The following DRC10 variants were observed in gnomAD, a reference collection of about 807,000 sequenced individuals.
DRC10 encodes the protein dynein regulatory complex subunit 10, also known as IQ domain-containing protein D.
chr12:113,200,651 T>A, the DRC10 span: 2 of 1,536,146 alleles, frequency 1.3e-6, no homozygotes, highest in Non-Finnish European at 1.7e-6. Context: ...AGCTGCAGGA[T>A]CTCCTGCTGG....
the DRC10 span, chr12:113,200,393 G>A: frequency 1.4e-6 from 1 of 701,154 alleles, no homozygotes; most frequent in Non-Finnish European, 2.6e-6. Flanking sequence ...TGCCTCCCAG[G>A]AGACACTGGC....
the DRC10 span, among the ~76,000 whole-genome samples, chr12:113,210,668 C>T: frequency 6.9e-6 from 1 of 144,530 alleles, no homozygotes; most frequent in African/African-American, 2.6e-5. Flanking sequence ...CCCCCCAACA[C>T]CATGTCTCAG....
At chr12:113,207,680 G>A in the DRC10 span, 1 of 1,614,068 alleles carries the variant, frequency 6.2e-7, no homozygotes, top group Non-Finnish European at 8.5e-7. Context: ...GCAGCCTGGG[G>A]GTTGCTGAGC....
chr12:113,209,947 G>A, the DRC10 span, among the ~76,000 whole-genome samples: 6 of 152,114 alleles, frequency 3.9e-5, no homozygotes, highest in Non-Finnish European at 8.8e-5. Context: ...CCAACATGGC[G>A]AAACCCCGTC....
the DRC10 span, chr12:113,208,281 G>C: frequency 6.8e-7 from 1 of 1,462,878 alleles, no homozygotes; most frequent in East Asian, 2.4e-5. Context: ...AGAAGTAGGT[G>C]TGAGTGCAGC....
the DRC10 span, chr12:113,208,197 T>A: frequency 3.8e-6 from 6 of 1,581,152 alleles, no homozygotes; most frequent in Non-Finnish European, 4.3e-6. Flanking sequence ...CCTCTGTAGG[T>A]CCACAGAGAT....
the DRC10 span, chr12:113,200,594 G>A: frequency 2.6e-6 from 4 of 1,535,398 alleles, no homozygotes; most frequent in Non-Finnish European, 3.5e-6. Context: ...CTCAGCGCCT[G>A]CTCTGCCTCC....
At chr12:113,209,383 G>A in the DRC10 span, among the ~76,000 whole-genome samples, 1 of 152,180 alleles carries the variant, frequency 6.6e-6, no homozygotes, top group African/African-American at 2.4e-5. Context: ...CTAGTCTAAA[G>A]TTTAGTTAAT....
At chr12:113,213,177 A>G in the DRC10 span, among the ~76,000 whole-genome samples, 1 of 36,360 alleles carries the variant, frequency 2.8e-5, no homozygotes, top group Admixed American at 2.2e-4. Flanking sequence ...AGAGGGTGCT[A>G]AAAAAAAAAA....
the DRC10 span, chr12:113,208,003 AT>A: frequency 5.6e-6 from 9 of 1,614,166 alleles, no homozygotes; most frequent in South Asian, 9.9e-5. Flanking sequence ...CTCATCCAGG[AT>A]GGACATGATC....
the DRC10 span, among the ~76,000 whole-genome samples, chr12:113,204,807 T>C: frequency 6.6e-6 from 1 of 152,048 alleles, no homozygotes; most frequent in African/African-American, 2.4e-5. Flanking sequence ...CACATGCCTG[T>C]AATCCCAGCT....
chr12:113,203,593 A>G, the DRC10 span, among the ~76,000 whole-genome samples: 1 of 151,328 alleles, frequency 6.6e-6, no homozygotes. Context: ...CTTGTGCCTC[A>G]GCCTCCCGAG....
chr12:113,212,941 A>G, the DRC10 span, among the ~76,000 whole-genome samples: 1 of 152,188 alleles, frequency 6.6e-6, no homozygotes, highest in East Asian at 1.9e-4. Flanking sequence ...ATTTGTCATT[A>G]ATTCTGCTGA....
the DRC10 span, chr12:113,221,056 A>G: frequency 4.8e-5 from 20 of 416,410 alleles, no homozygotes; most frequent in South Asian, 3.4e-4. Flanking sequence ...CTGCGTTGCT[A>G]GGTTACCCGC....
At chr12:113,207,415 T>G in the DRC10 span, 1 of 1,572,946 alleles carries the variant, frequency 6.4e-7, no homozygotes. Context: ...TTCAGTAATT[T>G]CAGCAATACT....
At chr12:113,209,482 A>C in the DRC10 span, among the ~76,000 whole-genome samples, 1 of 151,938 alleles carries the variant, frequency 6.6e-6, no homozygotes, top group African/African-American at 2.4e-5. Context: ...GCCTCGACCT[A>C]CTGGGCTCAA....
chr12:113,219,122 G>A, the DRC10 span, among the ~76,000 whole-genome samples: 3 of 151,796 alleles, frequency 2.0e-5, no homozygotes, highest in Non-Finnish European at 2.9e-5. Context: ...TGCAACCTCC[G>A]CCTCCTGGGT....
chr12:113,197,806 G>C, the DRC10 span, among the ~76,000 whole-genome samples: 3 of 152,226 alleles, frequency 2.0e-5, no homozygotes, highest in African/African-American at 7.2e-5. Context: ...CAAGGTGACA[G>C]AGCTAATGGG....
the DRC10 span, among the ~76,000 whole-genome samples, chr12:113,211,490 A>G: frequency 6.6e-6 from 1 of 152,136 alleles, no homozygotes; most frequent in Non-Finnish European, 1.5e-5. Flanking sequence ...CAGGCCAGGT[A>G]TCATGGTTCA....
Sources: gnomAD v4.1 joint callset for allele counts (sites outside exome capture counted in the v4.1 genomes callset) on GRCh38, gnomAD v4.1.1 for gene constraint, MANE v1.5 for transcripts, NCBI Gene and HGNC (gene_info 2026-07-23, HGNC 2026-07-21) for gene names.